The following NHS variants were observed in gnomAD, a reference collection of about 807,000 sequenced individuals.
NHS encodes the protein actin remodeling regulator NHS.
In NHS, 5 loss-of-function variants were observed where a neutral mutation model predicts 72.5. The ratio of observed to expected loss-of-function variants is 0.07; its 90% CI spans 0.04 to 0.14. The LOEUF is 0.14. Among genes scored for constraint, NHS ranks in the 10% least tolerant of loss-of-function variants. The probability of loss-of-function intolerance (pLI) is 1.00; values close to 1 mark genes in which losing one functional copy is unlikely to be tolerated. For synonymous variants in NHS, 464 were observed against 547.7 expected (o/e 0.85, Z 2.13); for missense variants, 1,072 against 1,355.7 (o/e 0.79, Z 3.29).
intron 1 of NHS, among the ~76,000 whole-genome samples, chrX:17,544,888 C>G (rs190334914): frequency 3.6e-5 from 4 of 112,640 alleles, no homozygotes; most frequent in Non-Finnish European, 7.5e-5. Flanking sequence ...AAAGTCATCC[C>G]GGGCAGATGA....
chrX:17,470,951 T>A (rs1421687087), intron 1 of NHS, among the ~76,000 whole-genome samples: 1 of 111,304 alleles, frequency 9.0e-6, no homozygotes, highest in African/African-American at 3.3e-5. Flanking sequence ...GTGTTGATCA[T>A]TGTGTATCTC....
intron 1 of NHS, among the ~76,000 whole-genome samples, chrX:17,571,878 T>C (rs1361374493): frequency 8.9e-6 from 1 of 112,353 alleles, no homozygotes; most frequent in Non-Finnish European, 1.9e-5. Flanking sequence ...TTTGTTCTTA[T>C]TGGTTTCAAA....
intron 1 of NHS, among the ~76,000 whole-genome samples, chrX:17,559,091 A>G (rs1418644077): frequency 1.8e-5 from 2 of 112,261 alleles, no homozygotes; most frequent in Admixed American, 1.9e-4. Context: ...AAAGCATCAG[A>G]TGTGGTGCAA....
chrX:17,635,436 C>T, intron 1 of NHS: 26 of 1,163,908 alleles, frequency 2.2e-5, no homozygotes, highest in Non-Finnish European at 2.9e-5. Context: ...GAAGGTTGCC[C>T]TCTCTCGCCC....
Position 17,389,586 on chromosome X carries a change from C to CTTATTTATTTATTTATTTATTTAT in NHS, c.565+13271_565+13294dup, listed in dbSNP as rs554552712. On this transcript the variant is annotated intron_variant, in intron 1 of 8. Transcript: ENST00000676302. ...CTTAGAAGTAGGAGCCTTTTATTTT[C>CTTATTTATTTATTTATTTATTTAT]TTATTTATTTATTTATTTATTTATT... Among the ~76,000 whole-genome samples the CTTATTTATTTATTTATTTATTTAT allele has an allele frequency of 6.2e-4, 63 of 102,339 alleles. 1 individual carries two copies. The highest frequency in any genetic ancestry group is 2.4e-3 in the African/African-American group (63 of 26,338). 88.9% of individuals were successfully genotyped at this position (102,339 alleles called of 115,157 possible).
intron 1 of NHS, among the ~76,000 whole-genome samples, chrX:17,526,842 T>G (rs779223757): frequency 8.9e-6 from 1 of 112,500 alleles, no homozygotes; most frequent in Admixed American, 9.4e-5. Context: ...TAGTAAGAGC[T>G]CTATAAATGT....
intron 1 of NHS, among the ~76,000 whole-genome samples, chrX:17,575,658 A>G (rs902704090): frequency 8.9e-6 from 1 of 112,028 alleles, no homozygotes; most frequent in South Asian, 3.7e-4. Context: ...TTCCCCCACT[A>G]AACTGTAAGC....
chrX:17,597,307 C>T (rs1033961906), intron 1 of NHS, among the ~76,000 whole-genome samples: 5 of 108,813 alleles, frequency 4.6e-5, no homozygotes, highest in African/African-American at 3.3e-5. Flanking sequence ...TTGTATTTTT[C>T]GTAGAGACGG....
chrX:17,492,844 A>G (rs1191713932), intron 1 of NHS, among the ~76,000 whole-genome samples: 2 of 111,812 alleles, frequency 1.8e-5, no homozygotes, highest in Non-Finnish European at 3.8e-5. Context: ...GTTGCCTATG[A>G]TCATAACTAA....
At chrX:17,428,705 A>G (rs1366243875) in intron 1 of NHS, among the ~76,000 whole-genome samples, 1 of 111,987 alleles carries the variant, frequency 8.9e-6, no homozygotes, top group African/African-American at 3.2e-5. Context: ...ACTGCCAGAA[A>G]GTCTCTGGGG....
At chrX:17,657,540 C>T (rs1295500510) in intron 1 of NHS, among the ~76,000 whole-genome samples, 2 of 112,343 alleles carry the variant, frequency 1.8e-5, no homozygotes, top group African/African-American at 6.5e-5. Context: ...AGCCTCAGAC[C>T]AGGTCCACAC....
intron 1 of NHS, among the ~76,000 whole-genome samples, chrX:17,615,230 A>ATATATACGTATATATACACG (rs2065738226): frequency 2.4e-5 from 2 of 82,235 alleles, no homozygotes; most frequent in Non-Finnish European, 4.2e-5. Flanking sequence ...ATATACACAT[A>ATATATACGTATATATACACG]TATATACGTA....
chrX:17,455,921 A>C (rs2064823761), intron 1 of NHS, among the ~76,000 whole-genome samples: 1 of 111,297 alleles, frequency 9.0e-6, no homozygotes, highest in South Asian at 3.8e-4. Flanking sequence ...GGTGGTGTGT[A>C]ATTTGTAGCT....
At chrX:17,679,747 C>G (rs2066112396) in intron 1 of NHS, among the ~76,000 whole-genome samples, 1 of 109,488 alleles carries the variant, frequency 9.1e-6, no homozygotes, top group South Asian at 4.0e-4. Context: ...CTGGAAAACT[C>G]AGAATGCAAA....
At chrX:17,396,732 T>C (rs1288867321) in intron 1 of NHS, among the ~76,000 whole-genome samples, 1 of 112,118 alleles carries the variant, frequency 8.9e-6, no homozygotes, top group East Asian at 2.8e-4. Context: ...CAGAATGTTC[T>C]GGGAACTTTA....
chrX:17,463,326 G>A (rs1046182658), intron 1 of NHS, among the ~76,000 whole-genome samples: 1 of 110,238 alleles, frequency 9.1e-6, no homozygotes, highest in Non-Finnish European at 1.9e-5. Context: ...GGGATTTGCT[G>A]GGGGGGAGGG....
chrX:17,516,569 G>GCA (rs1402255669), intron 1 of NHS, among the ~76,000 whole-genome samples: 5 of 84,479 alleles, frequency 5.9e-5, no homozygotes, highest in African/African-American at 1.5e-4. Context: ...ACACACACAC[G>GCA]CGCACACACA....
chrX:17,447,522 A>G (rs996403323), intron 1 of NHS, among the ~76,000 whole-genome samples: 1 of 111,096 alleles, frequency 9.0e-6, no homozygotes, highest in Non-Finnish European at 1.9e-5. Context: ...TAGTGATGCT[A>G]TTGGAGTGTT....
At chrX:17,529,762 C>T (rs980595544) in intron 1 of NHS, among the ~76,000 whole-genome samples, 1 of 111,585 alleles carries the variant, frequency 9.0e-6, no homozygotes. Flanking sequence ...TCTTAAAAAG[C>T]ATGGAGGGGC....
Sources: gnomAD v4.1 joint callset for allele counts (sites outside exome capture counted in the v4.1 genomes callset) on GRCh38, gnomAD v4.1.1 for gene constraint, MANE v1.5 for transcripts, NCBI Gene and HGNC (gene_info 2026-07-23, HGNC 2026-07-21) for gene names.